The following SORCS1 variants were observed in gnomAD, a reference collection of about 807,000 sequenced individuals.
SORCS1 encodes sortilin related VPS10 domain containing receptor 1, also known as VPS10 domain-containing receptor SorCS1.
In SORCS1, 60 loss-of-function variants were observed where a neutral mutation model predicts 146.1. That is an observed-to-expected ratio of 0.41 (90% CI 0.33 to 0.51). The LOEUF (loss-of-function observed/expected upper bound fraction) is 0.51, where lower values mean the gene tolerates loss of function less well. SORCS1 is among the 20% of genes least tolerant of loss of function. The pLI, the probability that SORCS1 is intolerant of heterozygous loss-of-function variation, is 0.21. For missense variants in SORCS1, 1,352 were observed against 1,487.6 expected (o/e 0.91, Z 1.50); for synonymous variants, 637 against 584.0 (o/e 1.09, Z -1.31).
At chr10:107,096,766 C>T (rs1964571359) in intron 1 of SORCS1, among the ~76,000 whole-genome samples, 1 of 152,172 alleles carries the variant, frequency 6.6e-6, no homozygotes, top group South Asian at 2.1e-4. Flanking sequence ...CCCACCTCGG[C>T]CTCCCAAAAT....
chr10:106,764,083 C>T (rs1859356925), intron 4 of SORCS1, among the ~76,000 whole-genome samples: 1 of 152,140 alleles, frequency 6.6e-6, no homozygotes, highest in South Asian at 2.1e-4. Flanking sequence ...GTTTTGCTTC[C>T]ATGGATTTAT....
At chr10:106,757,549 C>A (rs1858742726) in intron 5 of SORCS1, among the ~76,000 whole-genome samples, 1 of 152,180 alleles carries the variant, frequency 6.6e-6, no homozygotes, top group Non-Finnish European at 1.5e-5. Context: ...AAAATACAGA[C>A]CATGTGGGCA....
intron 3 of SORCS1, among the ~76,000 whole-genome samples, chr10:106,801,098 T>G (rs1454047748): frequency 6.6e-6 from 1 of 152,266 alleles, no homozygotes; most frequent in Non-Finnish European, 1.5e-5. Context: ...CAATGTCTGA[T>G]GATTGAATGG....
At chr10:107,130,582 C>G (rs1966856052) in intron 1 of SORCS1, among the ~76,000 whole-genome samples, 1 of 152,168 alleles carries the variant, frequency 6.6e-6, no homozygotes, top group Non-Finnish European at 1.5e-5. Context: ...AGCTTCTGTG[C>G]AGCAGACAGG....
chr10:107,102,209 G>A (rs11193198), intron 1 of SORCS1, among the ~76,000 whole-genome samples: 41,550 of 151,968 alleles, frequency 0.27, 6,065 homozygotes, highest in Middle Eastern at 0.45. Flanking sequence ...TGTCATTATC[G>A]AGCCTTCATT....
intron 3 of SORCS1, among the ~76,000 whole-genome samples, chr10:106,825,699 T>C (rs941265146): frequency 6.6e-6 from 1 of 152,008 alleles, no homozygotes; most frequent in Non-Finnish European, 1.5e-5. Flanking sequence ...CCAATAAACC[T>C]CTGCTGACAC....
chr10:106,786,936 T>C (rs1946082881), intron 3 of SORCS1, among the ~76,000 whole-genome samples: 1 of 152,186 alleles, frequency 6.6e-6, no homozygotes, highest in Non-Finnish European at 1.5e-5. Flanking sequence ...TTAAGGTAAG[T>C]GTATTTATTG....
At chr10:107,004,795 C>A (rs1957372512) in intron 1 of SORCS1, among the ~76,000 whole-genome samples, 1 of 152,130 alleles carries the variant, frequency 6.6e-6, no homozygotes. Flanking sequence ...TTTTCATCTG[C>A]ACTCTAGTCG....
intron 18 of SORCS1, among the ~76,000 whole-genome samples, chr10:106,651,213 T>A (rs919170014): frequency 6.6e-6 from 1 of 152,194 alleles, no homozygotes; most frequent in African/African-American, 2.4e-5. Flanking sequence ...TATTTCACAG[T>A]TATTTTTCCT....
intron 1 of SORCS1, among the ~76,000 whole-genome samples, chr10:106,967,600 G>T (rs940925942): frequency 2.6e-5 from 4 of 152,200 alleles, no homozygotes; most frequent in East Asian, 3.9e-4. Context: ...GGAATAGGGG[G>T]AGAAGCTGGC....
rs1205492274 is a variant in SORCS1, at chr10:106,814,248, T to C, written c.726+15326A>G. 4.6e-5 allele frequency among the ~76,000 whole-genome samples: 7 copies of C among 152,248 alleles called. No homozygotes were observed. The East Asian group carries it at 5.8e-4, about 13-fold the overall frequency. The stretch of plus-strand genomic sequence containing the variant: ...TAAGGCAACTTAAAAATATGACATA[T>C]GGTTTGCCTTTACATTTTCTCTGTG... On this transcript the variant is annotated intron_variant, in intron 3 of 25. Coordinates refer to ENST00000263054, the MANE Select transcript of SORCS1 (RefSeq NM_052918.5).
intron 1 of SORCS1, among the ~76,000 whole-genome samples, chr10:107,136,042 G>T (rs1967270047): frequency 6.6e-6 from 1 of 151,846 alleles, no homozygotes; most frequent in Admixed American, 6.6e-5. Context: ...AATAACCTCT[G>T]GTTTTTCTTT....
chr10:107,169,668 T>A (rs1174943675), upstream of SORCS1, among the ~76,000 whole-genome samples: 4 of 152,176 alleles, frequency 2.6e-5, no homozygotes, highest in African/African-American at 2.4e-5. Flanking sequence ...GTTTAATAAA[T>A]CTTGCAGCAG....
intron 19 of SORCS1, among the ~76,000 whole-genome samples, chr10:106,627,209 C>T (rs1848165599): frequency 6.6e-6 from 1 of 152,096 alleles, no homozygotes; most frequent in African/African-American, 2.4e-5. Flanking sequence ...AGAAAAAAAC[C>T]TACAGAGTGA....
At chr10:106,709,181 G>T (rs185588958) in intron 7 of SORCS1, 42 bp downstream of exon 7, 24 of 1,470,818 alleles carry the variant, frequency 1.6e-5, no homozygotes, top group Non-Finnish European at 2.2e-5. Flanking sequence ...ACAAGGAAAA[G>T]AAAGGTTTCT....
chr10:106,983,108 TTA>T (rs142010793), intron 1 of SORCS1, among the ~76,000 whole-genome samples: 43,898 of 147,190 alleles, frequency 0.3, 6,667 homozygotes, highest in Middle Eastern at 0.37. Context: ...TCAGAGGAGG[TTA>T]TATATATATA....
At chr10:106,968,831 C>G (rs1036269488) in intron 1 of SORCS1, among the ~76,000 whole-genome samples, 2 of 152,008 alleles carry the variant, frequency 1.3e-5, no homozygotes, top group Non-Finnish European at 2.9e-5. Flanking sequence ...CAGAGAGAGT[C>G]AATAAGCAAG....
In SORCS1 at chr10:106,791,660, C is replaced by T. The variant is rs548819655; in HGVS notation, c.727-14968G>A. Among the ~76,000 whole-genome samples, 3 of 152,140 alleles carry T rather than the reference C, an allele frequency of 2.0e-5. No individual in the cohort carries two copies. In the South Asian group the frequency reaches 6.2e-4, roughly 32 times the overall value. On this transcript the variant is annotated intron_variant, in intron 3 of 25. Coordinates refer to ENST00000263054, the MANE Select transcript of SORCS1 (RefSeq NM_052918.5). ...GTTGCAGTGAGCTGAGATCGGGCCA[C>T]TGCACTCCAGCCTGGCGACAGAGCA...
At chr10:106,911,355 G>C (rs772974242) in intron 2 of SORCS1, among the ~76,000 whole-genome samples, 15 of 152,190 alleles carry the variant, frequency 9.9e-5, no homozygotes, top group Non-Finnish European at 1.8e-4. Context: ...CCCTTCTGTA[G>C]TAGCAGGGGG....
Sources: gnomAD v4.1 joint callset for allele counts (sites outside exome capture counted in the v4.1 genomes callset) on GRCh38, gnomAD v4.1.1 for gene constraint, MANE v1.5 for transcripts, NCBI Gene and HGNC (gene_info 2026-07-23, HGNC 2026-07-21) for gene names.